ITGB7: variants seen among roughly 807,000 people sequenced by gnomAD.
ITGB7 encodes the protein integrin beta-7.
Under a neutral mutation model 83.4 loss-of-function variants are expected in ITGB7, and 55 were observed. The observed-to-expected ratio is 0.66, with a 90% CI of 0.53 to 0.83. The LOEUF is 0.83. Among genes scored for constraint, ITGB7 ranks in the 40% least tolerant of loss-of-function variants. ITGB7 has a pLI of 0.00. For synonymous variants in ITGB7, 454 were observed against 423.6 expected, an observed-to-expected ratio of 1.07 and a Z score of -0.88; for missense variants, 921 against 1,046.7, an observed-to-expected ratio of 0.88 and a Z score of 1.66.
intron 3 of ITGB7, among the ~76,000 whole-genome samples, chr12:53,198,224 G>A (rs753200429): frequency 7.9e-5 from 12 of 152,250 alleles, no homozygotes; most frequent in Admixed American, 5.2e-4. Flanking sequence ...CCACCTCCCG[G>A]GTTCAAGTGA....
rs745551977 is a variant in ITGB7, at chr12:53,197,757, C to T, written c.396G>A (p.Leu132=). The T allele has an allele frequency of 2.5e-6, 4 of 1,575,272 alleles. No individual in the cohort carries two copies. The highest frequency in any genetic ancestry group is 2.3e-5 in the South Asian group (2 of 86,970). The change falls in exon 4 of 16, where the codon CTG becomes CTA. Residue 132 remains leucine (L), a synonymous_variant. Coordinates refer to ENST00000267082, the MANE Select transcript of ITGB7 (RefSeq NM_000889.3). ...CCGCCTCCCCTAACTCACCAGGCCG[C>T]AGCGTGACCCGGACCCGCTGCGGCG... ...QLAPQRVRVT[L]RPGEPQQLQV... is the part of the protein sequence containing the mutation.
chr12:53,197,977 G>T (rs1365291138), intron 3 of ITGB7, 26 bp from the exon 4 acceptor site: 3 of 1,523,760 alleles, frequency 2.0e-6, no homozygotes, highest in Non-Finnish European at 2.6e-6. Flanking sequence ...AGGCGCGTCG[G>T]GACCCGGTCC....
At chr12:53,205,946 C>T (rs1326314006) in intron 1 of ITGB7, among the ~76,000 whole-genome samples, 1 of 152,176 alleles carries the variant, frequency 6.6e-6, no homozygotes, top group African/African-American at 2.4e-5. Flanking sequence ...GCTTGCTCTG[C>T]ATGCCTGTGG....
chr12:53,196,570 C>G lies in ITGB7; in HGVS notation c.816+9G>C. On this transcript the variant is annotated intron_variant, in intron 6 of 15. Coordinates refer to ENST00000267082, the MANE Select transcript of ITGB7 (RefSeq NM_000889.3). Reference sequence around the variant, plus strand: ...CCTCCAGGCTCAGATCCCCGCCCCACCTCCTCACCTGGCAGAGTGCAGCCT... The same window carrying G: ...CCTCCAGGCTCAGATCCCCGCCCCAGCTCCTCACCTGGCAGAGTGCAGCCT... 6.2e-7 allele frequency: 1 copy of G among 1,604,030 alleles called. No homozygotes were observed. Among genetic ancestry groups the G allele is most frequent in the East Asian group, 2.2e-5 (1 of 44,574 alleles).
intron 15 of ITGB7, 58 bp from the exon 16 acceptor site, chr12:53,191,694 T>C (rs1215619959): frequency 2.6e-6 from 4 of 1,560,028 alleles, no homozygotes; most frequent in Admixed American, 3.3e-5. Context: ...GTCCCCTTTC[T>C]AGACCTAAGA....
rs763869314 is a variant in ITGB7 at position 53,204,833 on chromosome 12, C to CTT, written c.-127+2367_-127+2368dup. ...CTATCTTTGTTTCTTTTTTCTTTACCTTTTTTTTTTTTTTTTTTTTGGCAG... is the reference window on the plus strand; with the variant it reads ...CTATCTTTGTTTCTTTTTTCTTTACCTTTTTTTTTTTTTTTTTTTTTTGGCAG... On this transcript the variant is annotated intron_variant, in intron 1 of 15. Transcript: ENST00000267082. Among the ~76,000 whole-genome samples, 165 of 128,958 alleles carry CTT rather than the reference C, an allele frequency of 1.3e-3. 2 individuals are homozygous for CTT. The highest frequency in any genetic ancestry group is 3.9e-3 in the Middle Eastern group (1 of 258). 84.6% of individuals were successfully genotyped at this position (128,958 alleles called of 152,430 possible).
intron 1 of ITGB7, among the ~76,000 whole-genome samples, chr12:53,204,117 C>T (rs145861509): frequency 5.1e-4 from 77 of 152,218 alleles, no homozygotes; most frequent in Non-Finnish European, 7.2e-4. Flanking sequence ...CAGTGGCTCA[C>T]GACTGTAATC....
chr12:53,196,179 A>G lies in ITGB7; in HGVS notation c.837T>C (p.Asn279=). 2 of 1,614,096 alleles carry G rather than the reference A, an allele frequency of 1.2e-6. No homozygotes were observed. Among genetic ancestry groups the G allele is most frequent in the East Asian group, 4.5e-5 (2 of 44,884 alleles). ...ALCQEQIGWR[N]VSRLLVFTSD... ...AAGTGAACACCAGCAGCCGGGACAC[A>G]TTTCTCCAGCCAATCTGCTCCTGAG... The change falls in exon 7 of 16, where the codon AAT becomes AAC. Residue 279 remains asparagine, a synonymous_variant. Transcript: ENST00000267082.
Position 53,192,792 on chromosome 12 carries a change from C to T in ITGB7, c.1845G>A (p.Gly615=). 5 of 1,614,188 alleles carry T rather than the reference C, an allele frequency of 3.1e-6. No individual in the cohort carries two copies. The highest frequency in any genetic ancestry group is 4.2e-6 in the Non-Finnish European group (5 of 1,180,012). ...AGCGGTTGCATTTGCAGCGTCCATGCCCACTGCAGAGCCCTCCCTCGGGAC... is the reference window on the plus strand; with the variant it reads ...AGCGGTTGCATTTGCAGCGTCCATGTCCACTGCAGAGCCCTCCCTCGGGAC... ...CISPEGGLCS[G]HGRCKCNRCQ... Residue 615 remains glycine, a synonymous_variant, in exon 13 of 16, where the codon GGG becomes GGA. Transcript: ENST00000267082.
In ITGB7 at chr12:53,197,688, C is replaced by G. The variant is rs1327803195; in HGVS notation, c.404-25G>C. On this transcript the variant is annotated intron_variant, in intron 4 of 15. Coordinates refer to ENST00000267082, the MANE Select transcript of ITGB7 (RefSeq NM_000889.3). ...CCTAGGGGGTGGGCGGCGGGCGGGT[C>G]AGCAGAGCGCATTGGAACGCCAGCC... 3.1e-6 allele frequency: 5 copies of G among 1,609,430 alleles called. No individual in the cohort carries two copies. The Admixed American group carries it at 8.4e-5, about 27-fold the overall frequency.
intron 13 of ITGB7, 70 bp from the exon 14 acceptor site, chr12:53,192,608 C>T: frequency 1.3e-6 from 2 of 1,598,886 alleles, no homozygotes; most frequent in South Asian, 2.2e-5. Flanking sequence ...CAACTACAAG[C>T]AGGACGGAGA....
intron 3 of ITGB7, 98 bp downstream of exon 3, chr12:53,200,145 T>C: frequency 9.4e-7 from 1 of 1,058,786 alleles, no homozygotes; most frequent in Non-Finnish European, 1.4e-6. Flanking sequence ...AAATCATACA[T>C]GTGCCCACAC....
chr12:53,206,988 G>C (rs763049579), intron 1 of ITGB7, among the ~76,000 whole-genome samples: 7 of 152,172 alleles, frequency 4.6e-5, no homozygotes, highest in Non-Finnish European at 1.0e-4. Context: ...GGAGAGATTG[G>C]GCTTTTGGAG....
chr12:53,191,614 CT>C lies in ITGB7; in HGVS notation c.2338del (p.Ser780ValfsTer47). 1 of 1,613,706 alleles carries C rather than the reference CT, an allele frequency of 6.2e-7. No individual in the cohort carries two copies. Among genetic ancestry groups the C allele is most frequent in the Non-Finnish European group, 8.5e-7 (1 of 1,179,698 alleles). On this transcript the variant is annotated frameshift_variant, in exon 16 of 16. Transcript: ENST00000267082. LOFTEE classifies it high-confidence loss of function. ...WKQDSNPLYK[S>X]AITTTINPRF... is the part of the protein sequence containing the mutation. ...AGGATTGATGGTGGTCGTGATGGCA[CT>C]TTTGTAGAGAGGATTACTGTCCTGG...
Position 53,200,389 on chromosome 12 carries a change from T to C in ITGB7, c.55A>G (p.Ser19Gly). The C allele has an allele frequency of 6.2e-7, 1 of 1,614,060 alleles. No individual in the cohort carries two copies. The highest frequency in any genetic ancestry group is 8.5e-7 in the Non-Finnish European group (1 of 1,180,026). Reference protein sequence around the residue: ...VLLLVLSRGESELDAKIPSTG... With the variant: ...VLLLVLSRGEGELDAKIPSTG... Reference sequence around the variant, plus strand: ...GATGGGATCTTGGCGTCCAATTCACTCTCACCTCTGCTCAGGACCAGCAGC... The same window carrying C: ...GATGGGATCTTGGCGTCCAATTCACCCTCACCTCTGCTCAGGACCAGCAGC... Residue 19 changes from serine (S) to glycine (G), a missense_variant, in exon 3 of 16, where the codon AGT (serine) becomes GGT (glycine). Coordinates refer to ENST00000267082, the MANE Select transcript of ITGB7 (RefSeq NM_000889.3).
In ITGB7 at chr12:53,191,684, G is replaced by C. The variant is rs369450948; in HGVS notation, c.2317-48C>G. On this transcript the variant is annotated intron_variant, in intron 15 of 15. Transcript: ENST00000267082. ...ATAAGCAAAAATCCCAGGATTCCTCGTCCCCTTTCTAGACCTAAGAGGCCA... is the reference window on the plus strand; with the variant it reads ...ATAAGCAAAAATCCCAGGATTCCTCCTCCCCTTTCTAGACCTAAGAGGCCA... 5 of 1,569,276 alleles carry C rather than the reference G, an allele frequency of 3.2e-6. No homozygotes were observed. The Admixed American group carries it at 8.3e-5, about 26-fold the overall frequency.
intron 11 of ITGB7, 172 bp from the exon 12 acceptor site, chr12:53,193,535 C>G: frequency 2.7e-6 from 2 of 743,722 alleles, no homozygotes; most frequent in South Asian, 3.9e-5. Flanking sequence ...GAGGGAGCCC[C>G]AGTCAGGGGG....
rs1438510818 is a variant in ITGB7 at position 53,195,640 on chromosome 12, G to A, written c.1057C>T (p.Leu353=). The A allele has an allele frequency of 1.2e-6, 2 of 1,613,744 alleles. No homozygotes were observed. Among genetic ancestry groups the A allele is most frequent in the African/African-American group, 2.7e-5 (2 of 74,902 alleles). Residue 353 remains leucine (L), a synonymous_variant, in exon 8 of 16, where the codon CTG becomes TTG. Transcript: ENST00000267082. ...ACAGCTCTCACCTGGTAGACAGGCA[G>A]TGCGGCACTGGTGACAGCAAAGATG... ...QPIFAVTSAA[L]PVYQELSKLI...
chr12:53,193,333 A>T lies in ITGB7; in HGVS notation c.1533T>A (p.Cys511Ter), dbSNP rs1278612075. ...AGGACAGCTCTGCCACAGAGCACTC[A>T]CAGAGCCGACCTAGGCGGCCAGGGG... is the stretch of plus-strand genomic sequence containing the variant. ...SCAPGRLGRLCECSVAELSSP... is the reference protein window; with the variant it reads ...SCAPGRLGRL The change falls in exon 12 of 16, where the codon TGT becomes TGA. Residue 511 changes from cysteine to a stop codon, truncating the protein, a stop_gained. Transcript: ENST00000267082. LOFTEE classifies it high-confidence loss of function. 4 of 1,601,114 alleles carry T rather than the reference A, an allele frequency of 2.5e-6. No homozygotes were observed. The Admixed American group carries it at 5.1e-5, about 20-fold the overall frequency.
Sources: allele counts gnomAD v4.1 joint callset (sites outside exome capture counted in the v4.1 genomes callset), GRCh38; gene constraint gnomAD v4.1.1; transcripts MANE v1.5; gene names NCBI Gene and HGNC (gene_info 2026-07-23, HGNC 2026-07-21).